DDR2: variants seen among roughly 807,000 people sequenced by gnomAD.
The protein encoded by DDR2 is discoidin domain-containing receptor 2.
Under a neutral mutation model 94.9 loss-of-function variants are expected in DDR2, and 27 were observed. The ratio of observed to expected loss-of-function variants is 0.28; its 90% CI spans 0.21 to 0.39. The LOEUF is 0.39. Among genes scored for constraint, DDR2 ranks in the 10% least tolerant of loss-of-function variants. DDR2 has a pLI of 1.00. For missense variants in DDR2, 783 were observed against 1,076.0 expected, an observed-to-expected ratio of 0.73 and a Z score of 3.81; for synonymous variants, 382 against 377.2, an observed-to-expected ratio of 1.01 and a Z score of -0.15.
In DDR2 at chr1:162,668,501, G is replaced by A. The variant is rs558375783; in HGVS notation, c.-28+13127G>A. Among the ~76,000 whole-genome samples the A allele has an allele frequency of 3.3e-5, 5 of 152,290 alleles. No homozygotes were observed. The East Asian group carries it at 9.6e-4, about 29-fold the overall frequency. Reference sequence around the variant, plus strand: ...AGTCCAAGATCAAGGTGTCAGCAGGGCCATATTCCCTCTGAAGGTTCTAGA... The same window carrying A: ...AGTCCAAGATCAAGGTGTCAGCAGGACCATATTCCCTCTGAAGGTTCTAGA... On this transcript the variant is annotated intron_variant, in intron 2 of 17. Transcript: ENST00000367921.
chr1:162,688,678 A>G (rs1168683865), intron 2 of DDR2, among the ~76,000 whole-genome samples: 1 of 152,256 alleles, frequency 6.6e-6, no homozygotes, highest in Non-Finnish European at 1.5e-5. Flanking sequence ...GACTGCCATG[A>G]CGCACGGAGG....
chr1:162,764,690 G>T (rs1344424650), intron 9 of DDR2, among the ~76,000 whole-genome samples: 2 of 152,050 alleles, frequency 1.3e-5, no homozygotes, highest in African/African-American at 2.4e-5. Flanking sequence ...AGCTGGGTGT[G>T]GTGGCACGTG....
chr1:162,646,332 G>T (rs1463980787), intron 1 of DDR2, among the ~76,000 whole-genome samples: 1 of 152,122 alleles, frequency 6.6e-6, no homozygotes, highest in Non-Finnish European at 1.5e-5. Context: ...CTCATTTGTG[G>T]TCTTTCCTTT....
intron 1 of DDR2, among the ~76,000 whole-genome samples, chr1:162,639,010 G>T (rs1395491582): frequency 1.3e-5 from 2 of 150,954 alleles, no homozygotes; most frequent in Admixed American, 6.6e-5. Flanking sequence ...CTGTTGCCCA[G>T]ACTGGAGTGC....
chr1:162,703,916 G>A (rs1253266590), intron 2 of DDR2, among the ~76,000 whole-genome samples: 1 of 152,050 alleles, frequency 6.6e-6, no homozygotes, highest in African/African-American at 2.4e-5. Context: ...GACATCATAC[G>A]CCATTGGCTC....
chr1:162,698,015 A>G (rs1489582135), intron 2 of DDR2, among the ~76,000 whole-genome samples: 1 of 152,236 alleles, frequency 6.6e-6, no homozygotes, highest in Non-Finnish European at 1.5e-5. Context: ...GAAGACAGCA[A>G]CTGCCAATTA....
chr1:162,749,328 C>G (rs1663057159), intron 3 of DDR2, among the ~76,000 whole-genome samples: 1 of 152,194 alleles, frequency 6.6e-6, no homozygotes, highest in Non-Finnish European at 1.5e-5. Flanking sequence ...GGAGTTATCA[C>G]CACTGATCCC....
At chr1:162,740,439 C>G (rs991807220) in intron 3 of DDR2, among the ~76,000 whole-genome samples, 1 of 152,142 alleles carries the variant, frequency 6.6e-6, no homozygotes, top group Non-Finnish European at 1.5e-5. Flanking sequence ...AACAAGCATG[C>G]TTTTTCCTCA....
intron 2 of DDR2, among the ~76,000 whole-genome samples, chr1:162,662,336 C>T (rs1019478331): frequency 2.9e-4 from 44 of 152,326 alleles, no homozygotes; most frequent in African/African-American, 1.0e-3. Context: ...GTTTCTTGAT[C>T]TGTGAGCTAA....
Position 162,755,017 on chromosome 1 carries a change from CA to C in DDR2, c.418-137del. 1.0e-5 allele frequency: 15 copies of C among 1,448,926 alleles called. No homozygotes were observed. The Admixed American group carries it at 2.7e-4, about 26-fold the overall frequency. The allele number at this position is 1,448,926 out of a possible 1,614,324, so 89.8% of individuals were successfully genotyped here. A position where few individuals can be genotyped will look rare whatever the true frequency, so the allele number is the denominator to read the frequency against. On this transcript the variant is annotated intron_variant, in intron 5 of 17. Coordinates refer to ENST00000367921, the MANE Select transcript of DDR2 (RefSeq NM_006182.4). ...GGTGAGGGAGGCAGGGAAGGAATAT[CA>C]AGGCTGTGGGGAAAGCAGAGTAGAT...
In DDR2 at chr1:162,784,944, T is replaced by A. The variant is rs1245676951; in HGVS notation, c.*4698T>A. On this transcript the variant is annotated 3_prime_UTR_variant, in exon 18 of 18. Coordinates refer to ENST00000367921, the MANE Select transcript of DDR2 (RefSeq NM_006182.4). ...GTTGCTGGATACTTTTAATTCTTGC[T>A]GATTTGTAAACTGGCCTTGCTTGGA... 1 of 152,212 alleles carries A rather than the reference T, an allele frequency of 6.6e-6. No individual in the cohort carries two copies. The highest frequency in any genetic ancestry group is 2.4e-5 in the African/African-American group (1 of 41,464). The allele number at this position is 152,212 out of a possible 1,614,324, so 9.4% of individuals were successfully genotyped here. A position where few individuals can be genotyped will look rare whatever the true frequency, so the allele number is the denominator to read the frequency against.
intron 3 of DDR2, among the ~76,000 whole-genome samples, chr1:162,739,029 A>G (rs1662454466): frequency 1.0e-5 from 1 of 98,910 alleles, no homozygotes; most frequent in Non-Finnish European, 2.1e-5. Context: ...AGGCATTACC[A>G]TTCAGGACAT....
At chr1:162,657,496 A>G (rs1287665038) in intron 2 of DDR2, among the ~76,000 whole-genome samples, 3 of 152,198 alleles carry the variant, frequency 2.0e-5, no homozygotes, top group African/African-American at 7.2e-5. Context: ...AACATAAGGC[A>G]TACTCTGGAT....
upstream of DDR2, chr1:162,631,359 C>G (rs1348552983): frequency 1.3e-5 from 2 of 152,128 alleles, no homozygotes; most frequent in Admixed American, 6.6e-5. Context: ...ACTGTGCAAT[C>G]CCAGATTAAC....
intron 9 of DDR2, among the ~76,000 whole-genome samples, chr1:162,765,757 T>C (rs1469472343): frequency 6.7e-6 from 1 of 149,842 alleles, no homozygotes; most frequent in African/African-American, 2.5e-5. Context: ...TTTCTTAAAC[T>C]TTTTTGTACC....
At chr1:162,661,739 G>T (rs977450978) in intron 2 of DDR2, among the ~76,000 whole-genome samples, 10 of 152,192 alleles carry the variant, frequency 6.6e-5, no homozygotes. Flanking sequence ...TGCAAGTCTT[G>T]GAGATCTTGG....
At chr1:162,674,048 A>C (rs1286808078) in intron 2 of DDR2, among the ~76,000 whole-genome samples, 1 of 152,188 alleles carries the variant, frequency 6.6e-6, no homozygotes, top group Non-Finnish European at 1.5e-5. Flanking sequence ...GCTCCAGATT[A>C]GATAACAATC....
chr1:162,688,486 G>T (rs1303752260), intron 2 of DDR2, among the ~76,000 whole-genome samples: 6 of 152,196 alleles, frequency 3.9e-5, no homozygotes. Flanking sequence ...TAAATAAGTG[G>T]TTCAATCAGG....
intron 2 of DDR2, among the ~76,000 whole-genome samples, chr1:162,658,486 T>C (rs1658119434): frequency 6.6e-6 from 1 of 152,106 alleles, no homozygotes; most frequent in Non-Finnish European, 1.5e-5. Context: ...CTACAGCTGC[T>C]GTGGATGTCC....
Sources: gnomAD v4.1 joint callset for allele counts (sites outside exome capture counted in the v4.1 genomes callset) on GRCh38, gnomAD v4.1.1 for gene constraint, MANE v1.5 for transcripts, NCBI Gene and HGNC (gene_info 2026-07-23, HGNC 2026-07-21) for gene names.